ZBTB20: variants seen among roughly 807,000 people sequenced by gnomAD.
ZBTB20 encodes the protein zinc finger and BTB domain containing 20.
In ZBTB20, 9 loss-of-function variants were observed where a neutral mutation model predicts 56.9. That is an observed-to-expected ratio of 0.16 (90% CI 0.10 to 0.28). The LOEUF (loss-of-function observed/expected upper bound fraction) is 0.28. Among genes scored for constraint, ZBTB20 ranks in the 10% least tolerant of loss-of-function variants. The pLI, the probability that ZBTB20 is intolerant of heterozygous loss-of-function variation, is 1.00. For synonymous variants in ZBTB20, 417 were observed against 420.7 expected, an observed-to-expected ratio of 0.99 and a Z score of 0.11; for missense variants, 655 against 1,003.0, an observed-to-expected ratio of 0.65 and a Z score of 4.69.
intron 7 of ZBTB20, among the ~76,000 whole-genome samples, chr3:114,428,891 T>C (rs2089912670): frequency 6.6e-6 from 1 of 152,212 alleles, no homozygotes; most frequent in Non-Finnish European, 1.5e-5. Context: ...AATTCTGTAG[T>C]TGGCAATTCT....
intron 7 of ZBTB20, among the ~76,000 whole-genome samples, chr3:114,490,653 T>C (rs968923092): frequency 5.3e-5 from 8 of 152,218 alleles, no homozygotes; most frequent in Admixed American, 1.3e-4. Context: ...TCTTAACATT[T>C]AGAGACAATT....
chr3:114,856,737 T>C (rs2075273563), intron 4 of ZBTB20, among the ~76,000 whole-genome samples: 1 of 152,186 alleles, frequency 6.6e-6, no homozygotes. Context: ...CTTTAGCATT[T>C]TGCAAATTCA....
chr3:115,079,448 G>A (rs180939098), intron 1 of ZBTB20, among the ~76,000 whole-genome samples: 36 of 152,134 alleles, frequency 2.4e-4, no homozygotes, highest in African/African-American at 8.7e-4. Context: ...GAGTGCAGTG[G>A]TGCAATCTCA....
chr3:115,047,537 A>G (rs2081377614), intron 2 of ZBTB20, among the ~76,000 whole-genome samples: 1 of 152,184 alleles, frequency 6.6e-6, no homozygotes, highest in African/African-American at 2.4e-5. Flanking sequence ...TTATTGTTAG[A>G]ATTTTCATAT....
chr3:115,033,924 G>A (rs1013720600), intron 2 of ZBTB20, among the ~76,000 whole-genome samples: 10 of 151,752 alleles, frequency 6.6e-5, no homozygotes, highest in South Asian at 4.1e-4. Context: ...AGGATTTGTC[G>A]TTGAAATGCA....
At chr3:114,728,465 G>A (rs1401131289) in intron 5 of ZBTB20, among the ~76,000 whole-genome samples, 1 of 152,198 alleles carries the variant, frequency 6.6e-6, no homozygotes, top group Non-Finnish European at 1.5e-5. Context: ...ACATAACATG[G>A]ATAGGCTTGG....
chr3:114,775,740 T>C (rs1423666308), intron 5 of ZBTB20, among the ~76,000 whole-genome samples: 3 of 152,204 alleles, frequency 2.0e-5, no homozygotes, highest in Admixed American at 6.5e-5. Context: ...CCCACTGCTA[T>C]GGTACAGTTT....
chr3:114,620,083 A>C lies in ZBTB20; in HGVS notation c.-295+73445T>G, dbSNP rs571584414. Among the ~76,000 whole-genome samples the C allele has an allele frequency of 6.6e-5, 10 of 152,358 alleles. No individual in the cohort carries two copies. In the East Asian group the frequency reaches 1.4e-3, roughly 21 times the overall value. ...CCAAGCTGGATATTCGGTCACCCTC[A>C]TAAGTCCAGGAAAATGAATGGAACT... On this transcript the variant is annotated intron_variant, in intron 6 of 11. Transcript: ENST00000675478.
chr3:114,341,830 G>A (rs1182927803), intron 11 of ZBTB20, among the ~76,000 whole-genome samples: 2 of 152,204 alleles, frequency 1.3e-5, no homozygotes, highest in Admixed American at 6.5e-5. Context: ...TAGTGGTCCT[G>A]AGTCCGTGGT....
At chr3:114,354,573 G>GTTTTTT (rs1560123092) in intron 10 of ZBTB20, among the ~76,000 whole-genome samples, 1 of 136,632 alleles carries the variant, frequency 7.3e-6, no homozygotes, top group Non-Finnish European at 1.6e-5. Flanking sequence ...GTTTTTTTTT[G>GTTTTTT]TTTTGTTTTG....
chr3:114,900,095 C>A (rs2075047782), intron 4 of ZBTB20, among the ~76,000 whole-genome samples: 1 of 152,010 alleles, frequency 6.6e-6, no homozygotes, highest in South Asian at 2.1e-4. Flanking sequence ...CTTATCAAAT[C>A]TTAGAAATGT....
chr3:114,649,837 T>C lies in ZBTB20; in HGVS notation c.-295+43691A>G, dbSNP rs939702850. On this transcript the variant is annotated intron_variant, in intron 6 of 11. Transcript: ENST00000675478. ...AATGAGATAACATTAAAAGGCTGAT[T>C]GGAGATTTCCCTTTAAAAGCAGTCA... is the stretch of plus-strand genomic sequence containing the variant. Among the ~76,000 whole-genome samples the C allele has an allele frequency of 4.6e-5, 7 of 151,956 alleles. No individual in the cohort carries two copies. The South Asian group carries it at 1.4e-3, about 31-fold the overall frequency.
At chr3:114,789,924 T>G (rs573426513) in intron 5 of ZBTB20, among the ~76,000 whole-genome samples, 1 of 152,270 alleles carries the variant, frequency 6.6e-6, no homozygotes, top group South Asian at 2.1e-4. Flanking sequence ...CTGAGGTTTA[T>G]AAGTGAAACA....
chr3:114,479,613 T>C (rs1340925953), intron 7 of ZBTB20, among the ~76,000 whole-genome samples: 1 of 152,254 alleles, frequency 6.6e-6, no homozygotes, highest in Non-Finnish European at 1.5e-5. Context: ...TGAATATGTC[T>C]GAATATATGT....
chr3:114,746,926 C>A lies in ZBTB20; in HGVS notation c.-342-53351G>T, dbSNP rs572245228. On this transcript the variant is annotated intron_variant, in intron 5 of 11. Coordinates refer to ENST00000675478, the MANE Select transcript of ZBTB20 (RefSeq NM_001348800.3). ...CATGCAAACGTTAAAATTCACCAAA[C>A]AAATGATACCCCACTGTTGGAAAGA... Among the ~76,000 whole-genome samples, 10 of 152,256 alleles carry A rather than the reference C, an allele frequency of 6.6e-5. No homozygotes were observed. The South Asian group carries it at 2.1e-3, about 32-fold the overall frequency.
At chr3:115,062,960 C>T (rs181170761) in intron 2 of ZBTB20, among the ~76,000 whole-genome samples, 2 of 152,274 alleles carry the variant, frequency 1.3e-5, no homozygotes, top group South Asian at 2.1e-4. Context: ...ACCTACCAAA[C>T]CAAATGAAAG....
chr3:115,146,623 C>A (rs1576848153), intron 1 of ZBTB20, among the ~76,000 whole-genome samples: 1 of 152,192 alleles, frequency 6.6e-6, no homozygotes, highest in African/African-American at 2.4e-5. Context: ...CCGGGAGCTC[C>A]GGCGTCTGGA....
Position 114,651,367 on chromosome 3 carries a change from T to C in ZBTB20, c.-295+42161A>G, listed in dbSNP as rs551278713. Among the ~76,000 whole-genome samples, 15 of 152,076 alleles carry C rather than the reference T, an allele frequency of 9.9e-5. No individual in the cohort carries two copies. The South Asian group carries it at 3.1e-3, about 31-fold the overall frequency. ...TAGGTAAACAGAATTCTCAATCATA[T>C]GTAATATTGCCAGAACACTAGTATC... On this transcript the variant is annotated intron_variant, in intron 6 of 11. Coordinates refer to ENST00000675478, the MANE Select transcript of ZBTB20 (RefSeq NM_001348800.3).
intron 2 of ZBTB20, among the ~76,000 whole-genome samples, chr3:114,975,049 AG>A (rs2078041498): frequency 6.6e-6 from 1 of 152,202 alleles, no homozygotes; most frequent in South Asian, 2.1e-4. Context: ...GGCTAATAGT[AG>A]GGTCCTACCC....
Sources: gnomAD v4.1 joint callset for allele counts (sites outside exome capture counted in the v4.1 genomes callset) on GRCh38, gnomAD v4.1.1 for gene constraint, MANE v1.5 for transcripts, NCBI Gene and HGNC (gene_info 2026-07-23, HGNC 2026-07-21) for gene names.